The following CNOT1 variants were observed in gnomAD, a reference collection of about 807,000 sequenced individuals.
The protein encoded by CNOT1 is CCR4-NOT transcription complex subunit 1.
Under a neutral mutation model 273.8 loss-of-function variants are expected in CNOT1, and 15 were observed. The observed-to-expected ratio is 0.05, with a 90% CI of 0.04 to 0.08. The LOEUF is 0.08. CNOT1 is among the 10% of genes least tolerant of loss of function. The probability of loss-of-function intolerance (pLI) is 1.00; values close to 1 mark genes in which losing one functional copy is unlikely to be tolerated. For missense variants in CNOT1, 1,644 were observed against 2,912.2 expected, an observed-to-expected ratio of 0.56 and a Z score of 10.02; for synonymous variants, 1,022 against 1,005.5, an observed-to-expected ratio of 1.02 and a Z score of -0.31.
At position 58,549,839 on chromosome 16, in the gene CNOT1, C is replaced by T; in HGVS notation, c.3402G>A (p.Leu1134=). The part of the protein sequence containing the change: ...EEFMPWVSQY[L]VMKRVSIEPN... ...GCTCAATACTGACTCTCTTCATAAC[C>T]AGATACTGTGAAACCCAAGGCATAA... Residue 1134 remains leucine, a synonymous_variant, in exon 25 of 49, where the codon CTG becomes CTA. Transcript: ENST00000317147. 1 of 1,614,024 alleles carries T rather than the reference C, an allele frequency of 6.2e-7. No homozygotes were observed. Among genetic ancestry groups the T allele is most frequent in the South Asian group, 1.1e-5 (1 of 91,052 alleles).
intron 1 of CNOT1, among the ~76,000 whole-genome samples, chr16:58,612,039 G>A (rs1353489625): frequency 4.5e-5 from 3 of 66,308 alleles, no homozygotes; most frequent in African/African-American, 8.1e-5. Context: ...ACCACACCTC[G>A]CGGCCAACCT....
intron 1 of CNOT1, among the ~76,000 whole-genome samples, chr16:58,612,401 T>C (rs2042932403): frequency 6.6e-6 from 1 of 152,032 alleles, no homozygotes; most frequent in Admixed American, 6.6e-5. Context: ...AAAAGGTCAA[T>C]CTGAGCCTTG....
At chr16:58,537,813 A>G (rs935022473) in intron 38 of CNOT1, 78 bp downstream of exon 38, 1 of 1,562,178 alleles carries the variant, frequency 6.4e-7, no homozygotes, top group Non-Finnish European at 8.7e-7. Flanking sequence ...AAGTAATGTT[A>G]GTAAGTCTGC....
Position 58,521,303 on chromosome 16 carries a change from C to T in CNOT1, c.6932G>A (p.Arg2311Gln). ...AGGATGTGGCCTATTTACAATCAAC[C>T]GTTCCAAGAGAACTCTGGAAAAAGG... ...QEQITRVLLERLIVNRPHPWG... is the reference protein window; with the variant it reads ...QEQITRVLLEQLIVNRPHPWG... Residue 2311 changes from arginine (R) to glutamine (Q), a missense_variant, in exon 48 of 49, where the codon CGG becomes CAG. This residue lies in a region of CNOT1 where 140 missense variants were observed against 324.6 expected (regional missense o/e 0.43). Coordinates refer to ENST00000317147, the MANE Select transcript of CNOT1 (RefSeq NM_016284.5). The T allele has an allele frequency of 1.9e-6, 3 of 1,610,330 alleles. No individual in the cohort carries two copies. The highest frequency in any genetic ancestry group is 2.5e-6 in the Non-Finnish European group (3 of 1,179,176).
At chr16:58,542,183 A>C in intron 33 of CNOT1, 48 bp downstream of exon 33, 1 of 1,600,988 alleles carries the variant, frequency 6.2e-7, no homozygotes, top group Non-Finnish European at 8.5e-7. Context: ...AACAACATTA[A>C]AAATAAAACA....
chr16:58,616,813 T>A (rs1302628949), intron 1 of CNOT1, among the ~76,000 whole-genome samples: 1 of 152,206 alleles, frequency 6.6e-6, no homozygotes, highest in Non-Finnish European at 1.5e-5. Flanking sequence ...TGAAATATGT[T>A]ATTTCCTTTC....
In CNOT1 at chr16:58,556,957, C is replaced by T. The variant is rs747989805; in HGVS notation, c.2369G>A (p.Gly790Glu). ...GLGTGSLTGI[G>E]TGALGLPAVN... ...TGCAGGGAGTCCAAGAGCACCAGTT[C>T]CTATACCAGTCAGGCTGCCTGTGCC... Residue 790 changes from glycine to glutamate, a missense_variant, in exon 19 of 49, where the codon GGA becomes GAA. Transcript: ENST00000317147. 1.2e-6 allele frequency: 2 copies of T among 1,614,002 alleles called. No homozygotes were observed. The highest frequency in any genetic ancestry group is 2.7e-5 in the African/African-American group (2 of 74,936).
At chr16:58,533,669 A>G (rs2039841432) in intron 40 of CNOT1, among the ~76,000 whole-genome samples, 1 of 146,448 alleles carries the variant, frequency 6.8e-6, no homozygotes, top group South Asian at 2.2e-4. Flanking sequence ...AAAAAATACA[A>G]GAAAAATTAG....
At position 58,525,900 on chromosome 16, in the gene CNOT1, C is replaced by T. The variant is rs2039566761; in HGVS notation, c.6603+89G>A. 4 of 1,095,774 alleles carry T rather than the reference C, an allele frequency of 3.7e-6. No homozygotes were observed. The African/African-American group carries it at 6.3e-5, about 17-fold the overall frequency. The allele number at this position is 1,095,774 out of a possible 1,614,324, so 67.9% of individuals were successfully genotyped here. On this transcript the variant is annotated intron_variant, in intron 45 of 48. Coordinates refer to ENST00000317147, the MANE Select transcript of CNOT1 (RefSeq NM_016284.5). The stretch of plus-strand genomic sequence containing the variant: ...AATTGATGGAAATGACAATAAAAGA[C>T]TAACTCCCAAATGGACCACACACAG...
chr16:58,593,611 G>A (rs1597543924), intron 2 of CNOT1, among the ~76,000 whole-genome samples: 1 of 151,460 alleles, frequency 6.6e-6, no homozygotes, highest in African/African-American at 2.4e-5. Context: ...GCACATGCCT[G>A]TAGTCCTAAC....
chr16:58,566,096 A>G (rs1473808937), intron 16 of CNOT1, among the ~76,000 whole-genome samples: 1 of 152,226 alleles, frequency 6.6e-6, no homozygotes, highest in East Asian at 1.9e-4. Context: ...TGTAGGTTTC[A>G]GATGGTGATC....
At position 58,547,356 on chromosome 16, in the gene CNOT1, A is replaced by G. The variant is rs2040290226; in HGVS notation, c.3640-60T>C. ...TATACCCCCCAAAATGGTATAACAA[A>G]ACCAAAGAAAAGTATTTTGCCAAGC... On this transcript the variant is annotated intron_variant, in intron 26 of 48. Transcript: ENST00000317147. This position sits in a 1 kb window ranked among gnomAD's most constrained non-coding sequence, Gnocchi z 4.0. The G allele has an allele frequency of 3.8e-6, 6 of 1,592,242 alleles. No individual in the cohort carries two copies. The Admixed American group carries it at 1.1e-4, about 28-fold the overall frequency.
At chr16:58,622,617 T>G (rs1441652196) in intron 1 of CNOT1, among the ~76,000 whole-genome samples, 1 of 151,670 alleles carries the variant, frequency 6.6e-6, no homozygotes, top group Non-Finnish European at 1.5e-5. Context: ...GAGGCTGAGG[T>G]GGGTGGATCA....
chr16:58,614,978 G>C (rs2043024440), intron 1 of CNOT1, among the ~76,000 whole-genome samples: 1 of 121,262 alleles, frequency 8.2e-6, no homozygotes, highest in African/African-American at 2.8e-5. Flanking sequence ...GACGTGCTGG[G>C]ATTACAGGCA....
Position 58,588,827 on chromosome 16 carries a change from C to G in CNOT1, c.182G>C (p.Gly61Ala), listed in dbSNP as rs757870518. The change falls in exon 3 of 49, where the codon GGT (glycine) becomes GCT (alanine). Residue 61 changes from glycine to alanine, a missense_variant. Coordinates refer to ENST00000317147, the MANE Select transcript of CNOT1 (RefSeq NM_016284.5). Reference sequence around the variant, plus strand: ...ATGGAAATCTTTGCCACTGCTTTTACCATCGCCACTGAAATCCACATGCGA... The same window carrying G: ...ATGGAAATCTTTGCCACTGCTTTTAGCATCGCCACTGAAATCCACATGCGA... ...LFSHVDFSGD[G>A]KSSGKDFHQT... 4 of 1,613,930 alleles carry G rather than the reference C, an allele frequency of 2.5e-6. No individual in the cohort carries two copies. The South Asian group carries it at 4.4e-5, about 18-fold the overall frequency.
At chr16:58,624,038 T>C (rs2043458505) in intron 1 of CNOT1, among the ~76,000 whole-genome samples, 1 of 151,482 alleles carries the variant, frequency 6.6e-6, no homozygotes, top group Admixed American at 6.6e-5. Flanking sequence ...CATAAGCCAC[T>C]CTAGCAAGTT....
At chr16:58,621,932 A>G (rs1315944538) in intron 1 of CNOT1, among the ~76,000 whole-genome samples, 7 of 142,430 alleles carry the variant, frequency 4.9e-5, no homozygotes, top group Admixed American at 7.0e-5. Flanking sequence ...AAAAAAAAAA[A>G]AAGAAGATAC....
At chr16:58,554,682 T>A (rs1490080865) in intron 21 of CNOT1, among the ~76,000 whole-genome samples, 1 of 152,068 alleles carries the variant, frequency 6.6e-6, no homozygotes, top group African/African-American at 2.4e-5. Context: ...ACACCTATAA[T>A]CCCAGCACTC....
chr16:58,550,939 A>G (rs909265401), intron 24 of CNOT1, among the ~76,000 whole-genome samples, 193 bp downstream of exon 24: 3 of 152,244 alleles, frequency 2.0e-5, no homozygotes, highest in Non-Finnish European at 4.4e-5. Context: ...CAAAAAGCTT[A>G]TAACTTGCTG....
Sources: allele counts gnomAD v4.1 joint callset (sites outside exome capture counted in the v4.1 genomes callset), GRCh38; gene constraint gnomAD v4.1.1; regional missense constraint gnomAD v4.1.1; non-coding constraint Gnocchi (gnomAD v3.1); transcripts MANE v1.5; gene names NCBI Gene and HGNC (gene_info 2026-07-23, HGNC 2026-07-21).